TXNRD2: variants seen among roughly 807,000 people sequenced by gnomAD.
TXNRD2 encodes the protein thioredoxin reductase 2, also known as thioredoxin reductase 2, mitochondrial.
TXNRD2 carries 67 observed loss-of-function variants against 70.8 expected under a neutral mutation model. The ratio of observed to expected loss-of-function variants is 0.95; its 90% CI spans 0.78 to 1.16. The LOEUF is 1.16. TXNRD2 is among the 50% of genes most tolerant of loss of function. The probability of loss-of-function intolerance (pLI) is 0.00; values close to 1 mark genes in which losing one functional copy is unlikely to be tolerated. For synonymous variants in TXNRD2, 301 were observed against 295.8 expected (o/e 1.02, Z -0.18); for missense variants, 644 against 719.9 (o/e 0.89, Z 1.21).
Position 19,919,012 on chromosome 22 carries a change from G to A in TXNRD2, c.230-8C>T, listed in dbSNP as rs750889743. ...CGAGGCCCCACCGGGTGCCTGGGAC[G>A]TGGGAAGAGCACATTTGAATTTATG... is the stretch of plus-strand genomic sequence containing the variant. On this transcript the variant is annotated splice_region_variant and splice_polypyrimidine_tract_variant and intron_variant, in intron 3 of 17. Coordinates refer to ENST00000400521, the MANE Select transcript of TXNRD2 (RefSeq NM_006440.5). The A allele has an allele frequency of 2.1e-5, 34 of 1,607,074 alleles. No individual in the cohort carries two copies. In the South Asian group the frequency reaches 2.9e-4, roughly 14 times the overall value.
chr22:19,882,624 C>T (rs8141610), intron 12 of TXNRD2, among the ~76,000 whole-genome samples: 22,398 of 152,210 alleles, frequency 0.15, 1,810 homozygotes, highest in Middle Eastern at 0.22. Flanking sequence ...TGACAGGTCT[C>T]GCTACAAAGA....
intron 9 of TXNRD2, among the ~76,000 whole-genome samples, chr22:19,898,803 G>A (rs886157066): frequency 5.3e-5 from 8 of 152,146 alleles, no homozygotes; most frequent in African/African-American, 1.9e-4. Flanking sequence ...GCTCTTGAGG[G>A]AGGACAGCCC....
intron 1 of TXNRD2, among the ~76,000 whole-genome samples, chr22:19,931,648 C>A (rs1941363927): frequency 6.6e-6 from 1 of 152,136 alleles, no homozygotes; most frequent in Non-Finnish European, 1.5e-5. Context: ...GGACTACAAG[C>A]ACCGATCACC....
chr22:19,918,010 C>A, intron 5 of TXNRD2, 133 bp downstream of exon 5: 1 of 765,428 alleles, frequency 1.3e-6, no homozygotes, highest in Admixed American at 2.0e-5. Context: ...TCCTCATCCC[C>A]ACCCATGAGC....
chr22:19,937,061 C>T (rs1005749418), intron 1 of TXNRD2, among the ~76,000 whole-genome samples: 4 of 152,092 alleles, frequency 2.6e-5, no homozygotes, highest in Admixed American at 6.5e-5. Context: ...CTCTTTGTAC[C>T]GAGGTCATTT....
chr22:19,921,371 T>C (rs1940907914), intron 2 of TXNRD2, among the ~76,000 whole-genome samples: 1 of 143,250 alleles, frequency 7.0e-6, no homozygotes, highest in Non-Finnish European at 1.5e-5. Flanking sequence ...GTCAAGATTG[T>C]GCCACTGCAC....
chr22:19,881,015 C>A, intron 12 of TXNRD2: 1 of 563,408 alleles, frequency 1.8e-6, no homozygotes, highest in East Asian at 2.8e-5. Flanking sequence ...TCTCTCCAAA[C>A]CCCTTCTGCA....
intron 8 of TXNRD2, among the ~76,000 whole-genome samples, chr22:19,903,625 G>C (rs1336410511): frequency 1.3e-5 from 2 of 152,218 alleles, no homozygotes. Context: ...TGTGGGACTG[G>C]AGTTGGAGCT....
intron 1 of TXNRD2, among the ~76,000 whole-genome samples, chr22:19,931,985 C>T (rs1287074003): frequency 6.6e-6 from 1 of 151,486 alleles, no homozygotes; most frequent in Non-Finnish European, 1.5e-5. Flanking sequence ...ACAGTGAAAC[C>T]CCGTCTCTAC....
intron 11 of TXNRD2, among the ~76,000 whole-genome samples, chr22:19,891,212 G>A (rs766770433): frequency 2.6e-5 from 4 of 152,206 alleles, no homozygotes; most frequent in South Asian, 2.1e-4. Context: ...CCTGGGTCTC[G>A]TCTCACCTGC....
At chr22:19,918,719 G>T in intron 4 of TXNRD2, 141 bp downstream of exon 4, 1 of 1,023,182 alleles carries the variant, frequency 9.8e-7, no homozygotes, top group Non-Finnish European at 1.5e-6. Flanking sequence ...GTCTGAGGCA[G>T]ACAGCGCAGA....
intron 16 of TXNRD2, among the ~76,000 whole-genome samples, chr22:19,877,522 G>A (rs1938565033): frequency 6.6e-6 from 1 of 152,106 alleles, no homozygotes; most frequent in Non-Finnish European, 1.5e-5. Context: ...TCCTGCCTTA[G>A]GCCTCTGCTC....
chr22:19,931,469 C>T (rs1278810712), intron 1 of TXNRD2, among the ~76,000 whole-genome samples: 1 of 152,044 alleles, frequency 6.6e-6, no homozygotes, highest in African/African-American at 2.4e-5. Flanking sequence ...AGTCCACTGC[C>T]CTGCTTGGGG....
intron 7 of TXNRD2, among the ~76,000 whole-genome samples, chr22:19,911,806 G>A (rs1322589243): frequency 2.0e-5 from 3 of 152,182 alleles, no homozygotes; most frequent in Admixed American, 6.5e-5. Flanking sequence ...GTCTGCCCGG[G>A]TTCTGGACAG....
At chr22:19,875,917 T>C (rs1195969404) in intron 17 of TXNRD2, 110 bp from the exon 18 acceptor site, 1 of 151,842 alleles carries the variant, frequency 6.6e-6, no homozygotes, top group African/African-American at 2.4e-5. Flanking sequence ...GGGTGAGAAA[T>C]AAACCCAGCA....
At chr22:19,877,278 A>AG (rs1474515184) in intron 16 of TXNRD2, 44 bp from the exon 17 acceptor site, 3 of 1,459,642 alleles carry the variant, frequency 2.1e-6, no homozygotes, top group Non-Finnish European at 2.9e-6. Context: ...CAGCACAGGG[A>AG]GGGGGGTCCA....
intron 10 of TXNRD2, among the ~76,000 whole-genome samples, chr22:19,896,848 G>A (rs962094773): frequency 1.3e-5 from 2 of 152,184 alleles, no homozygotes; most frequent in African/African-American, 4.8e-5. Context: ...CAGAGGGGCT[G>A]CCGCACAGGC....
At chr22:19,941,508 C>G in intron 1 of TXNRD2, 193 bp downstream of exon 1, 1 of 1,015,620 alleles carries the variant, frequency 9.8e-7, no homozygotes. Flanking sequence ...AGTTTCCCCA[C>G]CTGGGAAGGG....
chr22:19,898,024 G>A lies in TXNRD2; in HGVS notation c.774+15C>T. 6.5e-7 allele frequency: 1 copy of A among 1,548,948 alleles called. No individual in the cohort carries two copies. Among genetic ancestry groups the A allele is most frequent in the Non-Finnish European group, 8.7e-7 (1 of 1,146,850 alleles). On this transcript the variant is annotated intron_variant, in intron 10 of 17. Coordinates refer to ENST00000400521, the MANE Select transcript of TXNRD2 (RefSeq NM_006440.5). ...TCAGAGCCACAGGGGCGGGAGCTGG[G>A]GCCTCCAGCACTACCTGGTCGAAGC...
Sources: gnomAD v4.1 joint callset for allele counts (sites outside exome capture counted in the v4.1 genomes callset) on GRCh38, gnomAD v4.1.1 for gene constraint, MANE v1.5 for transcripts, NCBI Gene and HGNC (gene_info 2026-07-23, HGNC 2026-07-21) for gene names.